Variants in PALLD observed in about 807,000 individuals in gnomAD.
PALLD encodes the protein palladin.
Under a neutral mutation model 123.5 loss-of-function variants are expected in PALLD, and 61 were observed. That is an observed-to-expected ratio of 0.49 (90% CI 0.40 to 0.61). PALLD has a LOEUF of 0.61. PALLD is among the 20% of genes least tolerant of loss of function. The probability of loss-of-function intolerance (pLI) is 0.00; values close to 1 mark genes in which losing one functional copy is unlikely to be tolerated. For synonymous variants in PALLD, 465 were observed against 496.4 expected, an observed-to-expected ratio of 0.94 and a Z score of 0.84; for missense variants, 1,273 against 1,377.0, an observed-to-expected ratio of 0.92 and a Z score of 1.20.
Position 168,637,484 on chromosome 4 carries a change from G to A in PALLD, c.909-30706G>A, listed in dbSNP as rs145364718. Among the ~76,000 whole-genome samples, 609 of 146,232 alleles carry A rather than the reference G, an allele frequency of 4.2e-3. 14 individuals are homozygous for A. The highest frequency in any genetic ancestry group is 3.5e-3 in the East Asian group (18 of 5,152). ...CTTCCTATGTCACTCCCATGAAATAGATGTTACTTTTTATTTAAAAAAAAA... is the reference window on the plus strand; with the variant it reads ...CTTCCTATGTCACTCCCATGAAATAAATGTTACTTTTTATTTAAAAAAAAA... On this transcript the variant is annotated intron_variant, in intron 2 of 21. Transcript: ENST00000505667.
At chr4:168,529,299 T>C (rs377492527) in intron 2 of PALLD, among the ~76,000 whole-genome samples, 1 of 151,372 alleles carries the variant, frequency 6.6e-6, no homozygotes, top group Non-Finnish European at 1.5e-5. Flanking sequence ...ATTGTGCCAC[T>C]GCACTCCAGC....
chr4:168,749,806 A>T (rs1473166269), intron 10 of PALLD, among the ~76,000 whole-genome samples: 1 of 152,188 alleles, frequency 6.6e-6, no homozygotes, highest in Non-Finnish European at 1.5e-5. Flanking sequence ...GGTTTGGGGT[A>T]CAAATGATTC....
At chr4:168,917,234 C>A (rs1582164720) in intron 17 of PALLD, among the ~76,000 whole-genome samples, 1 of 149,508 alleles carries the variant, frequency 6.7e-6, no homozygotes, top group Non-Finnish European at 1.5e-5. Flanking sequence ...ATCTTTAGTA[C>A]AGACGGGGTT....
intron 2 of PALLD, among the ~76,000 whole-genome samples, chr4:168,542,309 G>C (rs997921616): frequency 1.3e-5 from 2 of 151,934 alleles, no homozygotes; most frequent in South Asian, 4.2e-4. Context: ...CCAGCTACTC[G>C]GGAGGCTGAG....
intron 2 of PALLD, chr4:168,530,758 G>A (rs2149480933): frequency 6.6e-6 from 1 of 151,528 alleles, no homozygotes; most frequent in African/African-American, 2.4e-5. Context: ...ATCTGTAAGG[G>A]AGCCAAGAAG....
chr4:168,852,280 G>A (rs1280045595), intron 10 of PALLD, among the ~76,000 whole-genome samples: 1 of 152,140 alleles, frequency 6.6e-6, no homozygotes. Flanking sequence ...AGGCCACACT[G>A]TACTTGCTGG....
In PALLD at chr4:168,711,718, G is replaced by A. The variant is rs1784855290; in HGVS notation, c.1759G>A (p.Val587Met). The change falls in exon 10 of 22, where the codon GTG (valine) becomes ATG (methionine). Residue 587 changes from valine to methionine, a missense_variant. Coordinates refer to ENST00000505667, the MANE Select transcript of PALLD (RefSeq NM_001166108.2). ...ASKKPSEIQQ[V>M]NNPELGLSRA... Reference sequence around the variant, plus strand: ...AAAGAAACCATCTGAGATCCAGCAGGTGAACAACCCTGAGTTAGGCCTGAG... The same window carrying A: ...AAAGAAACCATCTGAGATCCAGCAGATGAACAACCCTGAGTTAGGCCTGAG... 5.6e-6 allele frequency: 9 copies of A among 1,614,160 alleles called. No individual in the cohort carries two copies. The East Asian group carries it at 2.0e-4, about 36-fold the overall frequency.
At chr4:168,598,867 TC>T in intron 2 of PALLD, 1 of 175,090 alleles carries the variant, frequency 5.7e-6, no homozygotes. Flanking sequence ...ATTCCATAGA[TC>T]CCACCACACA....
chr4:168,901,500 T>C (rs1756504706), intron 14 of PALLD, among the ~76,000 whole-genome samples: 1 of 152,204 alleles, frequency 6.6e-6, no homozygotes. Context: ...AGAACTGGCA[T>C]TGTGGCAAGA....
rs144958247 is a variant in PALLD, at chr4:168,633,156, A to G, written c.909-35034A>G. Among the ~76,000 whole-genome samples the G allele has an allele frequency of 4.8e-3, 729 of 152,318 alleles. 4 individuals carry two copies. Among genetic ancestry groups the G allele is most frequent in the Non-Finnish European group, 6.1e-3 (418 of 68,020 alleles). ...ACACTTCCAAGTGGAGCTCAATGGA[A>G]TGCTTGTTTATTTCTGTTGCCGATA... On this transcript the variant is annotated intron_variant, in intron 2 of 21. Transcript: ENST00000505667.
At chr4:168,922,364 A>G (rs1235843566) in intron 18 of PALLD, among the ~76,000 whole-genome samples, 1 of 152,228 alleles carries the variant, frequency 6.6e-6, no homozygotes, top group Non-Finnish European at 1.5e-5. Context: ...TTAAGAAAGA[A>G]CATAACAAAA....
intron 2 of PALLD, among the ~76,000 whole-genome samples, chr4:168,570,856 T>C (rs971461901): frequency 1.3e-5 from 2 of 152,186 alleles, no homozygotes; most frequent in African/African-American, 4.8e-5. Flanking sequence ...TGATCAGTTC[T>C]TATCCTCCAA....
At chr4:168,835,356 G>C (rs1744995377) in intron 10 of PALLD, among the ~76,000 whole-genome samples, 1 of 152,094 alleles carries the variant, frequency 6.6e-6, no homozygotes, top group South Asian at 2.1e-4. Flanking sequence ...TACATTAAAA[G>C]AGCACTAAAG....
At chr4:168,663,168 G>A (rs760176233) in intron 2 of PALLD, among the ~76,000 whole-genome samples, 3 of 152,162 alleles carry the variant, frequency 2.0e-5, no homozygotes, top group Admixed American at 6.5e-5. Flanking sequence ...ACTGCTATTC[G>A]GATGTGGTGA....
chr4:168,904,993 G>A (rs1380454843), intron 15 of PALLD, among the ~76,000 whole-genome samples: 1 of 151,838 alleles, frequency 6.6e-6, no homozygotes, highest in East Asian at 1.9e-4. Flanking sequence ...CAGGTGTGGT[G>A]GTAGGCACCT....
intron 10 of PALLD, among the ~76,000 whole-genome samples, chr4:168,819,123 T>C (rs1742365562): frequency 6.6e-6 from 1 of 152,146 alleles, no homozygotes; most frequent in African/African-American, 2.4e-5. Flanking sequence ...AGTCACAAAG[T>C]TTTGTGTAGC....
At chr4:168,534,224 C>G (rs1049967731) in intron 2 of PALLD, among the ~76,000 whole-genome samples, 1 of 152,084 alleles carries the variant, frequency 6.6e-6, no homozygotes, top group African/African-American at 2.4e-5. Flanking sequence ...ATACCAAGTT[C>G]AAGGAAAAGA....
intron 10 of PALLD, among the ~76,000 whole-genome samples, chr4:168,718,873 G>T (rs1350486024): frequency 3.3e-5 from 5 of 151,232 alleles, no homozygotes; most frequent in Admixed American, 1.3e-4. Flanking sequence ...TTGTAGAAAT[G>T]ATTGATAATT....
At chr4:168,903,237 A>T (rs1756926811) in intron 14 of PALLD, among the ~76,000 whole-genome samples, 1 of 152,184 alleles carries the variant, frequency 6.6e-6, no homozygotes, top group African/African-American at 2.4e-5. Flanking sequence ...ACCCTTAGTC[A>T]TCACCTCCCT....
Sources: gnomAD v4.1 joint callset for allele counts (sites outside exome capture counted in the v4.1 genomes callset) on GRCh38, gnomAD v4.1.1 for gene constraint, MANE v1.5 for transcripts, NCBI Gene and HGNC (gene_info 2026-07-23, HGNC 2026-07-21) for gene names.